Variants in ADD1 observed in about 807,000 individuals in gnomAD.
ADD1 encodes the protein adducin 1.
A neutral mutation model predicts 80.5 loss-of-function variants in ADD1; 24 were observed. The ratio of observed to expected loss-of-function variants is 0.30; its 90% CI spans 0.22 to 0.42. ADD1 has a LOEUF of 0.42. Among genes scored for constraint, ADD1 ranks in the 10% least tolerant of loss-of-function variants. The pLI is 1.00. For synonymous variants in ADD1, 373 were observed against 393.8 expected, an observed-to-expected ratio of 0.95 and a Z score of 0.63; for missense variants, 948 against 1,019.0, an observed-to-expected ratio of 0.93 and a Z score of 0.95.
chr4:2,915,712 A>G (rs1738888994), intron 14 of ADD1, among the ~76,000 whole-genome samples: 1 of 152,080 alleles, frequency 6.6e-6, no homozygotes, highest in South Asian at 2.1e-4. Flanking sequence ...AATCCCAGCT[A>G]CTCGGGAAGG....
intron 14 of ADD1, among the ~76,000 whole-genome samples, chr4:2,922,388 C>T (rs1308955252): frequency 1.3e-5 from 2 of 152,220 alleles, no homozygotes; most frequent in Non-Finnish European, 2.9e-5. Context: ...TTCTAACAGA[C>T]AGGCTCCTCT....
chr4:2,855,694 C>G (rs767986734), intron 1 of ADD1, among the ~76,000 whole-genome samples: 2 of 150,848 alleles, frequency 1.3e-5, no homozygotes, highest in African/African-American at 4.9e-5. Context: ...CTGGAGTGCA[C>G]AAGTTTTTTT....
At chr4:2,899,558 C>A in intron 9 of ADD1, 123 bp downstream of exon 9, 1 of 1,041,838 alleles carries the variant, frequency 9.6e-7, no homozygotes, top group Non-Finnish European at 1.5e-6. Context: ...CCTTCAAAGT[C>A]ATGAAGAAGC....
At chr4:2,909,289 T>C in intron 12 of ADD1, 50 bp from the exon 13 acceptor site, 2 of 1,452,508 alleles carry the variant, frequency 1.4e-6, no homozygotes, top group Non-Finnish European at 1.9e-6. Context: ...TCAGCTGATA[T>C]TTCACAGGCT....
At chr4:2,855,797 C>T (rs1284281708) in intron 1 of ADD1, among the ~76,000 whole-genome samples, 1 of 151,590 alleles carries the variant, frequency 6.6e-6, no homozygotes, top group Non-Finnish European at 1.5e-5. Flanking sequence ...ACCTCCTGAG[C>T]TTTAGTGATC....
chr4:2,914,227 T>C (rs1165233236), intron 13 of ADD1, among the ~76,000 whole-genome samples: 3 of 152,184 alleles, frequency 2.0e-5, no homozygotes, highest in Admixed American at 2.0e-4. Flanking sequence ...AGGCTCCACC[T>C]CCTGCTTTAA....
At chr4:2,909,761 C>CT (rs754866145) in intron 13 of ADD1, among the ~76,000 whole-genome samples, 6 of 152,088 alleles carry the variant, frequency 3.9e-5, no homozygotes, top group Non-Finnish European at 7.4e-5. Context: ...TTCCATGACT[C>CT]TGACTGCAGA....
intron 1 of ADD1, among the ~76,000 whole-genome samples, chr4:2,859,884 T>C (rs1414078571): frequency 6.6e-6 from 1 of 151,962 alleles, no homozygotes; most frequent in East Asian, 1.9e-4. Flanking sequence ...TCCATCTTAC[T>C]GTTTTATAAT....
chr4:2,897,019 A>G (rs535719540), intron 6 of ADD1, among the ~76,000 whole-genome samples: 8 of 152,294 alleles, frequency 5.3e-5, no homozygotes, highest in African/African-American at 1.9e-4. Context: ...CTTGGCTCCC[A>G]AATGACTGGG....
chr4:2,899,286 C>T lies in ADD1; in HGVS notation c.1012C>T (p.Pro338Ser), dbSNP rs559290123. ...TCGAACTCTGGCCAGTGCAGGAGGA[C>T]CAGACAACTTAGTCCTGCTGAATCC... The part of the protein sequence containing the change: ...QVRTLASAGG[P>S]DNLVLLNPEK... Residue 338 changes from proline (P) to serine (S), a missense_variant, in exon 9 of 16, where the codon CCA becomes TCA. Transcript: ENST00000683351. 1.2e-6 allele frequency: 2 copies of T among 1,613,636 alleles called. No individual in the cohort carries two copies. The highest frequency in any genetic ancestry group is 1.1e-5 in the South Asian group (1 of 91,062).
intron 1 of ADD1, among the ~76,000 whole-genome samples, chr4:2,852,237 T>TTCCTTTCTTTCCTTTCTTTCTTTC (rs1560138792): frequency 6.8e-6 from 1 of 147,472 alleles, no homozygotes; most frequent in African/African-American, 2.5e-5. Flanking sequence ...TTTCCTTTCT[T>TTCCTTTCTTTCCTTTCTTTCTTTC]TCTTTCTTTC....
chr4:2,846,098 TAA>T (rs1257401317), intron 1 of ADD1, among the ~76,000 whole-genome samples: 2 of 152,220 alleles, frequency 1.3e-5, no homozygotes, highest in Non-Finnish European at 2.9e-5. Context: ...AGAAAATGAA[TAA>T]TTCCTTAATA....
At chr4:2,917,728 G>A (rs1367433515) in intron 14 of ADD1, among the ~76,000 whole-genome samples, 1 of 152,182 alleles carries the variant, frequency 6.6e-6, no homozygotes, top group Non-Finnish European at 1.5e-5. Context: ...TCCAGTTTCA[G>A]TTTTATGCAT....
intron 15 of ADD1, among the ~76,000 whole-genome samples, chr4:2,927,694 C>T (rs1406014991): frequency 2.0e-5 from 3 of 152,222 alleles, no homozygotes; most frequent in Non-Finnish European, 4.4e-5. Context: ...ATGTTGACGT[C>T]ACACAACGTG....
intron 1 of ADD1, among the ~76,000 whole-genome samples, chr4:2,857,303 A>G (rs548245069): frequency 6.6e-6 from 1 of 152,252 alleles, no homozygotes; most frequent in Non-Finnish European, 1.5e-5. Context: ...TTCAATTTAA[A>G]TTTCTTTTAT....
intron 14 of ADD1, among the ~76,000 whole-genome samples, chr4:2,915,756 G>A (rs1043558451): frequency 6.6e-5 from 10 of 152,154 alleles, no homozygotes; most frequent in African/African-American, 2.4e-4. Context: ...CCCGGGGGGC[G>A]GAGGTTGCGG....
At chr4:2,914,184 C>T (rs1738581077) in intron 13 of ADD1, among the ~76,000 whole-genome samples, 1 of 152,238 alleles carries the variant, frequency 6.6e-6, no homozygotes, top group African/African-American at 2.4e-5. Context: ...ACCGCACCCC[C>T]TGATGCCCAC....
At chr4:2,846,053 C>A (rs1726153013) in intron 1 of ADD1, among the ~76,000 whole-genome samples, 1 of 152,158 alleles carries the variant, frequency 6.6e-6, no homozygotes, top group South Asian at 2.1e-4. Flanking sequence ...ATCTTAAAGA[C>A]TTAAACAAAA....
At chr4:2,852,153 T>TCTTC (rs1727208928) in intron 1 of ADD1, among the ~76,000 whole-genome samples, 1 of 82,946 alleles carries the variant, frequency 1.2e-5, no homozygotes, top group African/African-American at 5.4e-5. Flanking sequence ...TTTCTTTCTT[T>TCTTC]CTTTCTTTCT....
Sources: gnomAD v4.1 joint callset for allele counts (sites outside exome capture counted in the v4.1 genomes callset) on GRCh38, gnomAD v4.1.1 for gene constraint, MANE v1.5 for transcripts, NCBI Gene and HGNC (gene_info 2026-07-23, HGNC 2026-07-21) for gene names.